RPS6KC1: variants seen among roughly 807,000 people sequenced by gnomAD.
RPS6KC1 encodes the protein ribosomal protein S6 kinase C1.
RPS6KC1 carries 54 observed loss-of-function variants against 103.8 expected under a neutral mutation model. That is an observed-to-expected ratio of 0.52 (90% CI 0.42 to 0.65). The LOEUF (loss-of-function observed/expected upper bound fraction) is 0.65, where lower values mean the gene tolerates loss of function less well. Among genes scored for constraint, RPS6KC1 ranks in the 30% least tolerant of loss-of-function variants. The pLI is 0.00. For missense variants in RPS6KC1, 1,151 were observed against 1,253.8 expected, an observed-to-expected ratio of 0.92 and a Z score of 1.24; for synonymous variants, 439 against 438.7, an observed-to-expected ratio of 1.00 and a Z score of -0.01.
chr1:213,412,398 G>A, the RPS6KC1 span, among the ~76,000 whole-genome samples: 2 of 152,368 alleles, frequency 1.3e-5, no homozygotes, highest in East Asian at 3.9e-4. Context: ...TGGGGGCCCA[G>A]CCTGAGGAAG....
the RPS6KC1 span, among the ~76,000 whole-genome samples, chr1:213,749,326 A>G: frequency 1.3e-5 from 2 of 152,196 alleles, no homozygotes. Flanking sequence ...GGTCAACTCT[A>G]CTGCAGCTGG....
At chr1:213,064,649 T>G (rs1296621889) in intron 1 of RPS6KC1, among the ~76,000 whole-genome samples, 2 of 150,218 alleles carry the variant, frequency 1.3e-5, no homozygotes, top group Non-Finnish European at 2.9e-5. Context: ...ATTACAGGTG[T>G]GAGCCACTGC....
At chr1:213,636,779 C>T in the RPS6KC1 span, among the ~76,000 whole-genome samples, 21,402 of 152,156 alleles carry the variant, frequency 0.14, 2,373 homozygotes, top group African/African-American at 0.31. Flanking sequence ...TCTAATTAAA[C>T]TAAAGAGCTT....
At chr1:213,838,424 TC>T in the RPS6KC1 span, among the ~76,000 whole-genome samples, 19 of 152,122 alleles carry the variant, frequency 1.2e-4, no homozygotes, top group Non-Finnish European at 2.1e-4. Context: ...GGCCCTTCCA[TC>T]TTCTTTCCCT....
chr1:213,562,782 G>A, the RPS6KC1 span, among the ~76,000 whole-genome samples: 4 of 152,192 alleles, frequency 2.6e-5, no homozygotes, highest in South Asian at 6.2e-4. Context: ...TCCCACTTCC[G>A]CTTTCCAAGT....
At chr1:213,843,704 C>A in the RPS6KC1 span, 1 of 152,130 alleles carries the variant, frequency 6.6e-6, no homozygotes, top group Non-Finnish European at 1.5e-5. Flanking sequence ...TTCTTAAATA[C>A]TATAACAAGA....
chr1:213,744,224 T>A, the RPS6KC1 span, among the ~76,000 whole-genome samples: 1 of 151,966 alleles, frequency 6.6e-6, no homozygotes, highest in Non-Finnish European at 1.5e-5. Context: ...TAATTACCAC[T>A]AAAGAATTAC....
the RPS6KC1 span, among the ~76,000 whole-genome samples, chr1:213,621,404 G>C: frequency 7.6e-6 from 1 of 130,860 alleles, no homozygotes; most frequent in South Asian, 3.0e-4. Flanking sequence ...GGCAGGGAAA[G>C]CAGGAGTTTG....
chr1:213,219,134 A>G (rs1000463860), intron 8 of RPS6KC1, among the ~76,000 whole-genome samples: 7 of 152,376 alleles, frequency 4.6e-5, no homozygotes, highest in Non-Finnish European at 7.3e-5. Flanking sequence ...GCTAATATCC[A>G]GAATCTACAA....
rs540925088 is a variant in RPS6KC1, at chr1:213,113,400, T to C, written c.379-3917T>C. ...CTGTTCTTGTCCTTCGCCCACTTTT[T>C]GATGGGGTTGTTTTTTTCTTGTAAA... On this transcript the variant is annotated intron_variant, in intron 4 of 14. Coordinates refer to ENST00000366960, the MANE Select transcript of RPS6KC1 (RefSeq NM_012424.6). Among the ~76,000 whole-genome samples the C allele has an allele frequency of 8.8e-4, 134 of 152,250 alleles. 1 individual carries two copies. The Middle Eastern group carries it at 0.017, about 19-fold the overall frequency.
chr1:213,565,841 C>T, the RPS6KC1 span, among the ~76,000 whole-genome samples: 240 of 152,074 alleles, frequency 1.6e-3, 1 homozygote, highest in Admixed American at 2.6e-3. Flanking sequence ...TGCCTGTAAT[C>T]CCAGCTATTC....
At chr1:213,746,518 T>C in the RPS6KC1 span, among the ~76,000 whole-genome samples, 3 of 152,194 alleles carry the variant, frequency 2.0e-5, no homozygotes, top group African/African-American at 7.2e-5. Context: ...TAGGATATTA[T>C]AGGTCATTGT....
At chr1:213,102,871 A>G (rs1174071658) in intron 3 of RPS6KC1, among the ~76,000 whole-genome samples, 1 of 152,138 alleles carries the variant, frequency 6.6e-6, no homozygotes, top group Admixed American at 6.5e-5. Context: ...TCCATGAACC[A>G]TTGCCTAAGA....
At chr1:213,807,370 A>G in the RPS6KC1 span, among the ~76,000 whole-genome samples, 1 of 152,160 alleles carries the variant, frequency 6.6e-6, no homozygotes, top group Non-Finnish European at 1.5e-5. Context: ...TATCCTGCAG[A>G]GTGTTTTCCA....
At chr1:213,079,516 C>G (rs1201887922) in intron 3 of RPS6KC1, among the ~76,000 whole-genome samples, 2 of 152,062 alleles carry the variant, frequency 1.3e-5, no homozygotes, top group Non-Finnish European at 2.9e-5. Flanking sequence ...TTCCTGGGCT[C>G]AGGTGATTCT....
chr1:213,218,887 A>C (rs1194944654), intron 8 of RPS6KC1, among the ~76,000 whole-genome samples: 1 of 152,244 alleles, frequency 6.6e-6, no homozygotes, highest in Non-Finnish European at 1.5e-5. Flanking sequence ...TGAAGACTTA[A>C]ATGTTAGACC....
At position 213,070,550 on chromosome 1, in the gene RPS6KC1, T is replaced by C. The variant is rs960174204; in HGVS notation, c.106-456T>C. The stretch of plus-strand genomic sequence containing the variant: ...GTCCAGAGAGACTCCAGCGCAACCA[T>C]GTGGTGGAAGATTTATGGACAGAAA... On this transcript the variant is annotated intron_variant, in intron 1 of 14. Transcript: ENST00000366960. Among the ~76,000 whole-genome samples, 4 of 151,880 alleles carry C rather than the reference T, an allele frequency of 2.6e-5. No individual in the cohort carries two copies. The East Asian group carries it at 7.8e-4, about 29-fold the overall frequency.
the RPS6KC1 span, among the ~76,000 whole-genome samples, chr1:213,582,836 C>T: frequency 1.3e-5 from 2 of 152,092 alleles, no homozygotes; most frequent in African/African-American, 4.8e-5. Context: ...CAAATGTATG[C>T]ACTTTTGTAA....
the RPS6KC1 span, among the ~76,000 whole-genome samples, chr1:213,307,641 C>T: frequency 2.0e-5 from 3 of 152,154 alleles, no homozygotes; most frequent in Non-Finnish European, 2.9e-5. Context: ...AGGACAGGAG[C>T]AGGAGAACTG....
Sources: allele counts gnomAD v4.1 joint callset (sites outside exome capture counted in the v4.1 genomes callset), GRCh38; gene constraint gnomAD v4.1.1; transcripts MANE v1.5; gene names NCBI Gene and HGNC (gene_info 2026-07-23, HGNC 2026-07-21).